NECTIN1: variants seen among roughly 807,000 people sequenced by gnomAD.
NECTIN1 encodes nectin-1.
Under a neutral mutation model 48.0 loss-of-function variants are expected in NECTIN1, and 23 were observed. The observed-to-expected ratio is 0.48, with a 90% confidence interval of 0.34 to 0.68. The LOEUF is 0.68. NECTIN1 is among the 30% of genes least tolerant of loss of function. The pLI is 0.01. For missense variants in NECTIN1, 591 were observed against 709.9 expected, an observed-to-expected ratio of 0.83 and a Z score of 1.90; for synonymous variants, 270 against 288.9, an observed-to-expected ratio of 0.93 and a Z score of 0.66.
chr11:119,710,311 A>G (rs1231705845), intron 1 of NECTIN1, among the ~76,000 whole-genome samples: 1 of 152,250 alleles, frequency 6.6e-6, no homozygotes, highest in Non-Finnish European at 1.5e-5. Context: ...CATTCCTCTA[A>G]CACCGTACAA....
chr11:119,679,021 TA>T (rs1211691865), intron 1 of NECTIN1, among the ~76,000 whole-genome samples: 1 of 152,252 alleles, frequency 6.6e-6, no homozygotes, highest in African/African-American at 2.4e-5. Context: ...TATCTGTGTA[TA>T]TCCACATAAC....
At position 119,728,561 on chromosome 11, in the gene NECTIN1, CG is replaced by C. The variant is rs1435667243; in HGVS notation, c.-9del. ...AAGCCCCATCCGAGCCATCGGGGGC[CG>C]GGGGTCCGGCGAGAGGGGCGGCGAG... On this transcript the variant is annotated 5_prime_UTR_variant, in exon 1 of 6. Coordinates refer to ENST00000264025, the MANE Select transcript of NECTIN1 (RefSeq NM_002855.5). The C allele has an allele frequency of 7.6e-6, 12 of 1,569,172 alleles. No homozygotes were observed. The highest frequency in any genetic ancestry group is 1.8e-5 in the Admixed American group (1 of 56,002).
In NECTIN1 at chr11:119,708,420, C is replaced by T. The variant is rs151059469; in HGVS notation, c.79+20055G>A. On this transcript the variant is annotated intron_variant, in intron 1 of 5. Coordinates refer to ENST00000264025, the MANE Select transcript of NECTIN1 (RefSeq NM_002855.5). Reference sequence around the variant, plus strand: ...GGTCTGAACTTCACCTTGTAGGCAACTGGGAGCCACTGACGCCTTTTAAGC... The same window carrying T: ...GGTCTGAACTTCACCTTGTAGGCAATTGGGAGCCACTGACGCCTTTTAAGC... Among the ~76,000 whole-genome samples the T allele has an allele frequency of 2.3e-3, 350 of 152,324 alleles. 1 individual carries two copies. Among genetic ancestry groups the T allele is most frequent in the African/African-American group, 6.9e-3 (287 of 41,568 alleles).
In NECTIN1 at chr11:119,661,311, T is replaced by C; in HGVS notation, c.*3436A>G. Reference sequence around the variant, plus strand: ...GGGTCAGAAGAGCAGCAGCACCGAGTGGGACAGGGGCTCCTCCTGGCCTCA... The same window carrying C: ...GGGTCAGAAGAGCAGCAGCACCGAGCGGGACAGGGGCTCCTCCTGGCCTCA... On this transcript the variant is annotated 3_prime_UTR_variant, in exon 6 of 6. Transcript: ENST00000264025. 4 of 985,952 alleles carry C rather than the reference T, an allele frequency of 4.1e-6. No individual in the cohort carries two copies. Among genetic ancestry groups the C allele is most frequent in the Non-Finnish European group, 4.8e-6 (4 of 830,032 alleles). The allele number at this position is 985,952 out of a possible 1,614,324, so 61.1% of individuals were successfully genotyped here.
At chr11:119,687,705 T>C (rs568487429) in intron 1 of NECTIN1, among the ~76,000 whole-genome samples, 1 of 152,296 alleles carries the variant, frequency 6.6e-6, no homozygotes, top group Admixed American at 6.5e-5. Flanking sequence ...GAGAATCTTT[T>C]AAAAGCTCAG....
chr11:119,647,790 C>T (rs148164756), intron 5 of NECTIN1, among the ~76,000 whole-genome samples: 93 of 152,164 alleles, frequency 6.1e-4, no homozygotes, highest in African/African-American at 2.1e-3. Flanking sequence ...GGACTGGGCG[C>T]GGTGGCTCAC....
intron 1 of NECTIN1, among the ~76,000 whole-genome samples, chr11:119,692,443 T>C (rs932948333): frequency 1.4e-5 from 2 of 145,670 alleles, no homozygotes; most frequent in Non-Finnish European, 3.0e-5. Flanking sequence ...GTGGCGGGGG[T>C]GGGAAGTGGA....
At chr11:119,676,534 C>T (rs1427411957) in intron 4 of NECTIN1, among the ~76,000 whole-genome samples, 2 of 152,346 alleles carry the variant, frequency 1.3e-5, no homozygotes, top group South Asian at 2.1e-4. Flanking sequence ...GCCTTGGCCC[C>T]AGCTGTCAGA....
Position 119,664,685 on chromosome 11 carries a change from C to CGGGGGGGGGGGGGGGGGGGGGGGG in NECTIN1, c.*61_*62insCCCCCCCCCCCCCCCCCCCCCCCC. 1 of 1,143,278 alleles carries CGGGGGGGGGGGGGGGGGGGGGGGG rather than the reference C, an allele frequency of 8.7e-7. No individual in the cohort carries two copies. 70.8% of individuals were successfully genotyped at this position (1,143,278 alleles called of 1,614,324 possible). A position where few individuals can be genotyped will look rare whatever the true frequency, so the allele number is the denominator to read the frequency against. ...CCTGGAGTGGGAGGTGGGGGGTGGG[C>CGGGGGGGGGGGGGGGGGGGGGGGG]AGGGGGCGTGCGGGGAGGGGCTGGG... On this transcript the variant is annotated 3_prime_UTR_variant, in exon 6 of 6. Coordinates refer to ENST00000264025, the MANE Select transcript of NECTIN1 (RefSeq NM_002855.5).
At chr11:119,703,373 C>A (rs1442615172) in intron 1 of NECTIN1, among the ~76,000 whole-genome samples, 1 of 152,230 alleles carries the variant, frequency 6.6e-6, no homozygotes, top group Non-Finnish European at 1.5e-5. Context: ...CAGCAAGGGG[C>A]AGTCAGGCAT....
chr11:119,646,212 C>T (rs918575591), intron 5 of NECTIN1, among the ~76,000 whole-genome samples: 10 of 152,180 alleles, frequency 6.6e-5, no homozygotes, highest in Non-Finnish European at 1.2e-4. Context: ...CTTGAAGTCC[C>T]ATTCTTCAGA....
At chr11:119,712,328 G>C (rs1865664886) in intron 1 of NECTIN1, among the ~76,000 whole-genome samples, 1 of 147,542 alleles carries the variant, frequency 6.8e-6, no homozygotes, top group East Asian at 2.1e-4. Context: ...TCCCAGAGAA[G>C]CCTCCCCTCC....
chr11:119,660,883 G>T, downstream of NECTIN1: 3 of 526,828 alleles, frequency 5.7e-6, no homozygotes, highest in Non-Finnish European at 7.3e-6. Flanking sequence ...ACCTGGACAT[G>T]GGGTGGGGGG....
chr11:119,645,030 G>A (rs918097594), intron 5 of NECTIN1, among the ~76,000 whole-genome samples: 1 of 152,176 alleles, frequency 6.6e-6, no homozygotes, highest in Non-Finnish European at 1.5e-5. Flanking sequence ...GCTCCCCAGG[G>A]CAGCCACTTG....
rs543648905 is a variant in NECTIN1 at position 119,664,562 on chromosome 11, A to G, written c.*185T>C. The G allele has an allele frequency of 5.1e-4, 725 of 1,430,762 alleles. 6 individuals are homozygous for G. The African/African-American group carries it at 7.9e-3, about 16-fold the overall frequency. 88.6% of individuals were successfully genotyped at this position (1,430,762 alleles called of 1,614,324 possible). A position where few individuals can be genotyped will look rare whatever the true frequency, so the allele number is the denominator to read the frequency against. The stretch of plus-strand genomic sequence containing the variant: ...GGGGAAGGGCGGAGGAGAGGGAGGA[A>G]ATAAAACACAAAGCCAAGTCGTGGC... On this transcript the variant is annotated 3_prime_UTR_variant, in exon 6 of 6. Coordinates refer to ENST00000264025, the MANE Select transcript of NECTIN1 (RefSeq NM_002855.5).
intron 5 of NECTIN1, among the ~76,000 whole-genome samples, chr11:119,646,003 G>A (rs767176574): frequency 2.0e-5 from 3 of 152,180 alleles, no homozygotes; most frequent in African/African-American, 4.8e-5. Flanking sequence ...GGTGGCCTTC[G>A]GTGGGCTCTG....
chr11:119,713,011 A>T (rs1865680273), intron 1 of NECTIN1: 1 of 152,268 alleles, frequency 6.6e-6, no homozygotes, highest in Non-Finnish European at 1.5e-5. Context: ...ACCTGCAGCC[A>T]AGTGAGTCAA....
chr11:119,690,933 C>T (rs1252105428), intron 1 of NECTIN1, among the ~76,000 whole-genome samples: 3 of 152,198 alleles, frequency 2.0e-5, no homozygotes, highest in Non-Finnish European at 4.4e-5. Context: ...CCGATTCTCT[C>T]CCCTGGCCAA....
At chr11:119,686,555 A>T (rs1865157972) in intron 1 of NECTIN1, among the ~76,000 whole-genome samples, 1 of 152,078 alleles carries the variant, frequency 6.6e-6, no homozygotes, top group African/African-American at 2.4e-5. Flanking sequence ...AGCCCTCAGG[A>T]TGAAGTTTTT....
Sources: allele counts gnomAD v4.1 joint callset (sites outside exome capture counted in the v4.1 genomes callset), GRCh38; gene constraint gnomAD v4.1.1; transcripts MANE v1.5; gene names NCBI Gene and HGNC (gene_info 2026-07-23, HGNC 2026-07-21).